The following CEP128 variants were observed in gnomAD, a reference collection of about 807,000 sequenced individuals.
CEP128 encodes centrosomal protein 128kDa.
CEP128 carries 132 observed loss-of-function variants against 156.7 expected under a neutral mutation model. The observed-to-expected ratio is 0.84, with a 90% confidence interval of 0.73 to 0.97. The LOEUF is 0.97. Ranked by LOEUF, CEP128 falls within the 50% of genes least tolerant of loss-of-function variation. CEP128 has a pLI of 0.00. For synonymous variants in CEP128, 469 were observed against 448.9 expected (o/e 1.04, Z -0.57); for missense variants, 1,252 against 1,281.9 (o/e 0.98, Z 0.36).
intron 13 of CEP128, among the ~76,000 whole-genome samples, chr14:80,805,759 G>T (rs972826802): frequency 9.9e-5 from 15 of 152,194 alleles, no homozygotes; most frequent in African/African-American, 3.4e-4. Context: ...ACTAAGGCAA[G>T]TCTCTTTGAA....
chr14:80,594,268 T>C (rs1337459072), intron 19 of CEP128, among the ~76,000 whole-genome samples: 4 of 152,188 alleles, frequency 2.6e-5, no homozygotes, highest in African/African-American at 9.6e-5. Context: ...TGGCTAGCCA[T>C]ATGCAGAAAA....
chr14:80,628,448 T>G (rs1379553548), intron 19 of CEP128, among the ~76,000 whole-genome samples: 1 of 152,188 alleles, frequency 6.6e-6, no homozygotes, highest in African/African-American at 2.4e-5. Flanking sequence ...GTGTCTTTTA[T>G]CATATTTAAA....
intron 19 of CEP128, among the ~76,000 whole-genome samples, chr14:80,709,149 T>C (rs1897317521): frequency 6.6e-6 from 1 of 151,574 alleles, no homozygotes; most frequent in Non-Finnish European, 1.5e-5. Flanking sequence ...GGTTTTTGTT[T>C]TTTTTTTGAG....
chr14:80,900,707 C>A (rs1349876721), intron 6 of CEP128, among the ~76,000 whole-genome samples: 1 of 152,072 alleles, frequency 6.6e-6, no homozygotes, highest in Non-Finnish European at 1.5e-5. Flanking sequence ...ATCATAGATA[C>A]CTACGCATTA....
chr14:80,591,461 C>A (rs1235928596), intron 19 of CEP128, among the ~76,000 whole-genome samples: 1 of 152,082 alleles, frequency 6.6e-6, no homozygotes, highest in Non-Finnish European at 1.5e-5. Flanking sequence ...GCTAACTATC[C>A]TAATTATATA....
At chr14:80,797,421 G>A (rs540196225) in intron 13 of CEP128, among the ~76,000 whole-genome samples, 1 of 152,308 alleles carries the variant, frequency 6.6e-6, no homozygotes, top group African/African-American at 2.4e-5. Flanking sequence ...CTACTCAAGA[G>A]AAAGCAGGTT....
intron 19 of CEP128, among the ~76,000 whole-genome samples, chr14:80,647,971 C>T (rs1219879570): frequency 6.6e-6 from 1 of 152,030 alleles, no homozygotes; most frequent in Admixed American, 6.6e-5. Flanking sequence ...TCTTATTTTC[C>T]AAACTTAATT....
rs758275772 is a variant in CEP128, at chr14:80,792,887, C to G, written c.1433G>C (p.Arg478Thr). 6.2e-7 allele frequency: 1 copy of G among 1,614,178 alleles called. No individual in the cohort carries two copies. The highest frequency in any genetic ancestry group is 1.7e-5 in the Admixed American group (1 of 60,008). ...AGCTTTCAGTTTCAGGTCTTCCCTC[C>G]TCTTCTCCGCCTCCTCTTTCAGAGC... The part of the protein sequence containing the change: ...SEALKEEAEK[R>T]REDLKLKAQE... The change falls in exon 14 of 25, where the codon AGG becomes ACG. Residue 478 changes from arginine (R) to threonine (T), a missense_variant. Arg to Thr is a moderately conservative substitution (Grantham distance 71). Coordinates refer to ENST00000555265, the MANE Select transcript of CEP128 (RefSeq NM_152446.5).
chr14:80,642,266 A>T (rs949713069), intron 19 of CEP128, among the ~76,000 whole-genome samples: 6 of 152,168 alleles, frequency 3.9e-5, no homozygotes, highest in African/African-American at 1.4e-4. Flanking sequence ...AGAGGGGATC[A>T]AGTTTTGTCC....
chr14:80,822,769 AACTGAAGG>A, intron 13 of CEP128: 1 of 766,872 alleles, frequency 1.3e-6, no homozygotes, highest in Non-Finnish European at 2.4e-6. Context: ...AGGCACATAA[AACTGAAGG>A]TGCTGGAGAC....
At position 80,720,039 on chromosome 14, in the gene CEP128, G is replaced by A. The variant is rs377025250; in HGVS notation, c.2806+23036C>T. Among the ~76,000 whole-genome samples, 7 of 152,198 alleles carry A rather than the reference G, an allele frequency of 4.6e-5. No individual in the cohort carries two copies. The East Asian group carries it at 5.8e-4, about 13-fold the overall frequency. On this transcript the variant is annotated intron_variant, in intron 19 of 24. Transcript: ENST00000555265. ...TTGGGTAATGGAGCAAGATCCCTCC[G>A]AGGAGGTGACATTTCAACTGAGACC...
intron 19 of CEP128, among the ~76,000 whole-genome samples, chr14:80,608,457 C>T (rs1419957419): frequency 6.6e-6 from 1 of 152,184 alleles, no homozygotes; most frequent in African/African-American, 2.4e-5. Context: ...TCTTACTGTC[C>T]TCTAACACCA....
At chr14:80,808,458 A>AC (rs1884313262) in intron 13 of CEP128, among the ~76,000 whole-genome samples, 1 of 152,144 alleles carries the variant, frequency 6.6e-6, no homozygotes, top group Non-Finnish European at 1.5e-5. Flanking sequence ...ACCTGTTGGA[A>AC]CCCAGAGGGT....
chr14:80,708,342 G>A (rs895087616), intron 19 of CEP128, among the ~76,000 whole-genome samples: 3 of 151,998 alleles, frequency 2.0e-5, no homozygotes, highest in Non-Finnish European at 4.4e-5. Flanking sequence ...TGTTTGAAAG[G>A]GTCTATTTCC....
intron 20 of CEP128, among the ~76,000 whole-genome samples, chr14:80,575,785 G>C (rs1891329536): frequency 6.6e-6 from 1 of 152,100 alleles, no homozygotes; most frequent in Non-Finnish European, 1.5e-5. Flanking sequence ...TCTATATATT[G>C]TGCTGACGCA....
upstream of CEP128, among the ~76,000 whole-genome samples, chr14:80,943,656 C>A (rs1381119602): frequency 6.6e-6 from 1 of 152,182 alleles, no homozygotes; most frequent in Non-Finnish European, 1.5e-5. Flanking sequence ...TGTTTGTCAG[C>A]TTTGGTGTGC....
At chr14:80,545,895 T>TAAAA (rs1266598405) in intron 21 of CEP128, among the ~76,000 whole-genome samples, 1 of 152,174 alleles carries the variant, frequency 6.6e-6, no homozygotes, top group African/African-American at 2.4e-5. Context: ...TGGCAAGCTT[T>TAAAA]AAAAAATACT....
In CEP128 at chr14:80,934,459, C is replaced by G. The variant is rs557504802; in HGVS notation, c.-16+4926G>C. ...ATCAGAGGTACAAACGCGAGAACCA[C>G]CATTTACTGAGCACCTAGGTATGAC... On this transcript the variant is annotated intron_variant, in intron 2 of 24. Transcript: ENST00000555265. 2.0e-5 allele frequency among the ~76,000 whole-genome samples: 3 copies of G among 152,254 alleles called. 1 individual carries two copies. In the South Asian group the frequency reaches 6.2e-4, roughly 32 times the overall value.
At chr14:80,639,124 AT>A (rs1444460359) in intron 19 of CEP128, among the ~76,000 whole-genome samples, 3 of 152,176 alleles carry the variant, frequency 2.0e-5, no homozygotes, top group East Asian at 1.9e-4. Flanking sequence ...ACCAAAAAAA[AT>A]CTGTATTAAT....
Sources: allele counts gnomAD v4.1 joint callset (sites outside exome capture counted in the v4.1 genomes callset), GRCh38; gene constraint gnomAD v4.1.1; transcripts MANE v1.5; gene names NCBI Gene and HGNC (gene_info 2026-07-23, HGNC 2026-07-21).